The following WDFY3 variants were observed in gnomAD, a reference collection of about 807,000 sequenced individuals.
WDFY3 encodes WD repeat and FYVE domain-containing protein 3.
WDFY3 carries 66 observed loss-of-function variants against 409.6 expected under a neutral mutation model. The observed-to-expected ratio is 0.16, with a 90% confidence interval of 0.13 to 0.20. WDFY3 has a LOEUF of 0.20. WDFY3 is among the 10% of genes least tolerant of loss of function. WDFY3 has a pLI of 1.00. For missense variants in WDFY3, 3,031 were observed against 4,298.1 expected, an observed-to-expected ratio of 0.71 and a Z score of 8.24; for synonymous variants, 1,521 against 1,537.1, an observed-to-expected ratio of 0.99 and a Z score of 0.25.
chr4:84,961,698 G>A (rs527278593), intron 1 of WDFY3, among the ~76,000 whole-genome samples: 2 of 152,154 alleles, frequency 1.3e-5, no homozygotes, highest in East Asian at 3.9e-4. Context: ...TTTCTATACT[G>A]AGTCTAAACA....
chr4:84,916,615 T>C (rs376598098), intron 2 of WDFY3, among the ~76,000 whole-genome samples: 1 of 152,184 alleles, frequency 6.6e-6, no homozygotes, highest in Non-Finnish European at 1.5e-5. Context: ...AAGAATGTTG[T>C]TCCAAATAGA....
chr4:84,933,474 T>G (rs1404131530), intron 1 of WDFY3, among the ~76,000 whole-genome samples: 1 of 152,100 alleles, frequency 6.6e-6, no homozygotes, highest in East Asian at 1.9e-4. Flanking sequence ...GCATACAATG[T>G]GTAATAATCA....
At chr4:84,904,670 C>T (rs1417855194) in intron 2 of WDFY3, among the ~76,000 whole-genome samples, 1 of 152,114 alleles carries the variant, frequency 6.6e-6, no homozygotes, top group African/African-American at 2.4e-5. Context: ...CAAAATGTGG[C>T]CCATGCAAGC....
chr4:84,948,670 G>C (rs1432303720), intron 1 of WDFY3, among the ~76,000 whole-genome samples: 4 of 152,138 alleles, frequency 2.6e-5, no homozygotes, highest in African/African-American at 9.7e-5. Flanking sequence ...TGCCTACCCT[G>C]TTCTACTCCT....
chr4:84,756,817 G>A, intron 33 of WDFY3, 109 bp downstream of exon 33: 1 of 1,232,914 alleles, frequency 8.1e-7, no homozygotes, highest in East Asian at 2.4e-5. Flanking sequence ...AACCTTAAAT[G>A]TGGGGAAAGT....
intron 49 of WDFY3, among the ~76,000 whole-genome samples, chr4:84,715,967 G>T (rs1733824676): frequency 6.6e-6 from 1 of 151,396 alleles, no homozygotes; most frequent in African/African-American, 2.4e-5. Flanking sequence ...TAGTAAGGAT[G>T]TAATTTTTAT....
At chr4:84,692,189 C>A (rs1200349053) in intron 59 of WDFY3, among the ~76,000 whole-genome samples, 2 of 152,224 alleles carry the variant, frequency 1.3e-5, no homozygotes, top group Admixed American at 1.3e-4. Context: ...AAGGTCATGT[C>A]ATTCCCCAGA....
At chr4:84,910,702 T>C (rs1767643948) in intron 2 of WDFY3, among the ~76,000 whole-genome samples, 1 of 152,014 alleles carries the variant, frequency 6.6e-6, no homozygotes, top group Non-Finnish European at 1.5e-5. Flanking sequence ...AACTCCTCAA[T>C]GTTTTTTGTT....
rs147652255 is a variant in WDFY3 at position 84,803,442 on chromosome 4, G to A, written c.2455C>T (p.Pro819Ser). The A allele has an allele frequency of 2.7e-4, 431 of 1,613,042 alleles. 3 individuals carry two copies. The African/African-American group carries it at 5.4e-3, about 20-fold the overall frequency. Reference protein sequence around the residue: ...KRHAYHSVSTPPVYPPKNVAD... With the variant: ...KRHAYHSVSTSPVYPPKNVAD... ...ACATTTTTAGGAGGGTAAACAGGGG[G>A]AGTTGAAACAGAATGATATGCATGC... The change falls in exon 16 of 68, where the codon CCC (proline) becomes TCC (serine). Residue 819 changes from proline to serine, a missense_variant. Around this residue, in one of 16 missense-constraint regions of WDFY3, gnomAD observed 1,322 missense variants for 1,697.9 expected, o/e 0.78. Transcript: ENST00000295888.
intron 3 of WDFY3, among the ~76,000 whole-genome samples, chr4:84,861,615 A>G (rs939952386): frequency 6.6e-6 from 1 of 152,186 alleles, no homozygotes; most frequent in African/African-American, 2.4e-5. Context: ...TTTTCAAAGA[A>G]GTGAAATAGA....
At chr4:84,760,729 A>T (rs1401380398) in intron 32 of WDFY3, among the ~76,000 whole-genome samples, 4 of 147,148 alleles carry the variant, frequency 2.7e-5, no homozygotes, top group African/African-American at 1.0e-4. Context: ...GCGGTCTATC[A>T]ATTTTGTTGA....
At chr4:84,789,666 CA>C in intron 22 of WDFY3, 59 bp downstream of exon 22, 20 of 1,420,484 alleles carry the variant, frequency 1.4e-5, no homozygotes, top group East Asian at 2.6e-5. Context: ...CACACACACA[CA>C]CACCCCCCAA....
At chr4:84,877,848 A>G (rs1762988237) in intron 3 of WDFY3, among the ~76,000 whole-genome samples, 1 of 152,208 alleles carries the variant, frequency 6.6e-6, no homozygotes, top group African/African-American at 2.4e-5. Context: ...AAATGAGTAA[A>G]CGGTGCTGAA....
At position 84,773,550 on chromosome 4, in the gene WDFY3, T is replaced by A. The variant is rs1362470389; in HGVS notation, c.4755-621A>T. Reference sequence around the variant, plus strand: ...GTGACCTGGGGCTTTGTTTCTTCATTTATAAAGTAGGGAAAAAAACAAAAA... The same window carrying A: ...GTGACCTGGGGCTTTGTTTCTTCATATATAAAGTAGGGAAAAAAACAAAAA... On this transcript the variant is annotated intron_variant, in intron 29 of 67. Coordinates refer to ENST00000295888, the MANE Select transcript of WDFY3 (RefSeq NM_014991.6). Among the ~76,000 whole-genome samples the A allele has an allele frequency of 2.6e-5, 4 of 152,176 alleles. No individual in the cohort carries two copies. In the East Asian group the frequency reaches 7.7e-4, roughly 29 times the overall value.
intron 57 of WDFY3, 97 bp downstream of exon 57, chr4:84,696,635 A>T: frequency 8.1e-7 from 1 of 1,240,320 alleles, no homozygotes; most frequent in Admixed American, 2.0e-5. Flanking sequence ...CTGTATTAGT[A>T]ACAAACAGGT....
At chr4:84,946,211 T>C (rs1419282107) in intron 1 of WDFY3, among the ~76,000 whole-genome samples, 1 of 152,150 alleles carries the variant, frequency 6.6e-6, no homozygotes, top group Non-Finnish European at 1.5e-5. Context: ...GTAACAGAAA[T>C]ATGTAATCTG....
At chr4:84,739,795 G>A (rs577193163) in intron 39 of WDFY3, among the ~76,000 whole-genome samples, 5 of 152,074 alleles carry the variant, frequency 3.3e-5, no homozygotes, top group Non-Finnish European at 7.4e-5. Context: ...GCTTGGCCCC[G>A]GCAGACTCTA....
rs930658059 is a variant in WDFY3, at chr4:84,670,647, C to A, written c.*2221G>T. The A allele has an allele frequency of 1.3e-5, 2 of 152,660 alleles. No homozygotes were observed. The highest frequency in any genetic ancestry group is 1.9e-4 in the East Asian group (1 of 5,196). The allele number at this position is 152,660 out of a possible 1,614,324, so 9.5% of individuals were successfully genotyped here. A position where few individuals can be genotyped will look rare whatever the true frequency, so the allele number is the denominator to read the frequency against. On this transcript the variant is annotated 3_prime_UTR_variant, in exon 68 of 68. Transcript: ENST00000295888. ...GGAATAACCTTTAAGTAACTACACA[C>A]ACACATTCATATATTCAAGTCTTTA...
At chr4:84,818,109 G>A (rs1474781918) in intron 12 of WDFY3, among the ~76,000 whole-genome samples, 1 of 152,100 alleles carries the variant, frequency 6.6e-6, no homozygotes, top group Non-Finnish European at 1.5e-5. Flanking sequence ...CATTGTTACT[G>A]CTCCAAAGCC....
Sources: allele counts gnomAD v4.1 joint callset (sites outside exome capture counted in the v4.1 genomes callset), GRCh38; gene constraint gnomAD v4.1.1; regional missense constraint gnomAD v4.1.1; transcripts MANE v1.5; gene names NCBI Gene and HGNC (gene_info 2026-07-23, HGNC 2026-07-21).